MAST4: variants seen among roughly 807,000 people sequenced by gnomAD.
MAST4 encodes the protein microtubule-associated serine/threonine-protein kinase 4.
In MAST4, 89 loss-of-function variants were observed where a neutral mutation model predicts 162.7. The observed-to-expected ratio is 0.55, with a 90% CI of 0.46 to 0.65. MAST4 has a LOEUF of 0.65. MAST4 is among the 30% of genes least tolerant of loss of function. The pLI is 0.00. For missense variants in MAST4, 3,153 were observed against 3,374.0 expected (o/e 0.93, Z 1.62); for synonymous variants, 1,479 against 1,361.1 (o/e 1.09, Z -1.91).
At chr5:66,778,142 T>A (rs976337688) in intron 2 of MAST4, among the ~76,000 whole-genome samples, 6 of 152,224 alleles carry the variant, frequency 3.9e-5, no homozygotes, top group Admixed American at 3.9e-4. Context: ...CACTGCTTGA[T>A]GTCAGAATCT....
rs117876543 is a variant in MAST4, at chr5:67,055,315, G to A, written c.763+823G>A. 4.8e-3 allele frequency among the ~76,000 whole-genome samples: 724 copies of A among 152,268 alleles called. 14 individuals are homozygous for A. Among genetic ancestry groups the A allele is most frequent in the East Asian group, 0.035 (183 of 5,172 alleles). ...GGTTTTGAGGAGGATCTGTGTTATA[G>A]GAAGGTATCTTCAGGATTGTGAAGG... On this transcript the variant is annotated intron_variant, in intron 5 of 28. Transcript: ENST00000403625.
chr5:66,601,569 G>T (rs1209194399), intron 1 of MAST4, among the ~76,000 whole-genome samples: 1 of 152,210 alleles, frequency 6.6e-6, no homozygotes, highest in African/African-American at 2.4e-5. Flanking sequence ...CCCCCAGGAT[G>T]AGCAGGAGTT....
At chr5:67,143,132 T>G (rs542389950) in intron 21 of MAST4, 120 of 152,286 alleles carry the variant, frequency 7.9e-4, no homozygotes, top group African/African-American at 2.8e-3. Context: ...TTGTAAAGTC[T>G]CATAACTGCC....
intron 7 of MAST4, among the ~76,000 whole-genome samples, chr5:67,097,025 T>C (rs1294405737): frequency 6.6e-6 from 1 of 152,170 alleles, no homozygotes; most frequent in Non-Finnish European, 1.5e-5. Context: ...AGACGTGTCT[T>C]TTAACTCCAA....
intron 2 of MAST4, among the ~76,000 whole-genome samples, chr5:66,782,480 G>C (rs1378443689): frequency 6.6e-6 from 1 of 152,100 alleles, no homozygotes; most frequent in Non-Finnish European, 1.5e-5. Flanking sequence ...AAAATAACCA[G>C]TACAAGAAGT....
intron 1 of MAST4, among the ~76,000 whole-genome samples, chr5:66,661,636 G>A (rs1746918391): frequency 6.6e-6 from 1 of 152,154 alleles, no homozygotes; most frequent in Admixed American, 6.5e-5. Context: ...AGATCTGCCT[G>A]TTCAGAGCCT....
intron 1 of MAST4, among the ~76,000 whole-genome samples, chr5:66,704,531 C>G (rs1358302637): frequency 8.0e-6 from 1 of 124,866 alleles, no homozygotes; most frequent in Admixed American, 9.9e-5. Context: ...GAGTCTCGCT[C>G]TGTCACCCAG....
chr5:66,688,690 T>C (rs1036653570), intron 1 of MAST4, among the ~76,000 whole-genome samples: 10 of 152,200 alleles, frequency 6.6e-5, no homozygotes, highest in African/African-American at 2.2e-4. Context: ...AATTTCTGTA[T>C]GGTACCAAAT....
chr5:66,963,601 T>C, intron 4 of MAST4: 1 of 722,832 alleles, frequency 1.4e-6, no homozygotes, highest in Non-Finnish European at 2.6e-6. Context: ...TAGATAAGCT[T>C]GCCATAGTGA....
At chr5:67,067,214 T>C (rs1760352730) in intron 5 of MAST4, among the ~76,000 whole-genome samples, 1 of 152,216 alleles carries the variant, frequency 6.6e-6, no homozygotes, top group African/African-American at 2.4e-5. Context: ...ATTAATGATA[T>C]GCTAAATGGT....
intron 3 of MAST4, among the ~76,000 whole-genome samples, chr5:66,827,811 C>T (rs1315347341): frequency 6.6e-6 from 1 of 152,192 alleles, no homozygotes; most frequent in Non-Finnish European, 1.5e-5. Flanking sequence ...AAACTATTCT[C>T]TCAATTTAAA....
intron 5 of MAST4, among the ~76,000 whole-genome samples, chr5:67,069,315 A>T (rs1212535719): frequency 6.3e-4 from 37 of 58,604 alleles, no homozygotes; most frequent in African/African-American, 1.4e-3. Flanking sequence ...TATATATAAA[A>T]TTTTAAAATA....
intron 1 of MAST4, among the ~76,000 whole-genome samples, chr5:66,746,556 A>G (rs1752770459): frequency 6.6e-6 from 1 of 152,218 alleles, no homozygotes; most frequent in East Asian, 1.9e-4. Context: ...AAGCAGGCAT[A>G]TAATGTCAGG....
chr5:67,078,893 TTTATATATTTTTATATAA>T (rs1561621703), intron 5 of MAST4, among the ~76,000 whole-genome samples: 5 of 75,502 alleles, frequency 6.6e-5, no homozygotes, highest in Non-Finnish European at 1.1e-4. Context: ...TATTTATATA[TTTATATATTTTTATATAA>T]ATATATATAT....
chr5:66,613,833 C>A (rs1309764451), intron 1 of MAST4, among the ~76,000 whole-genome samples: 1 of 151,674 alleles, frequency 6.6e-6, no homozygotes, highest in Non-Finnish European at 1.5e-5. Context: ...TAAACAAAAC[C>A]AAAAAAAACT....
At chr5:66,902,501 G>A (rs1371795374) in intron 4 of MAST4, 2 of 183,702 alleles carry the variant, frequency 1.1e-5, no homozygotes, top group Admixed American at 1.3e-4. Flanking sequence ...AAGACCACAG[G>A]AAATTTTTTT....
At chr5:66,614,386 C>G (rs1035394017) in intron 1 of MAST4, among the ~76,000 whole-genome samples, 22 of 152,324 alleles carry the variant, frequency 1.4e-4, no homozygotes, top group Admixed American at 6.5e-4. Flanking sequence ...TTCATCTTCT[C>G]TACCTGGAGC....
At chr5:66,932,463 CAGTT>C (rs548539272) in intron 4 of MAST4, among the ~76,000 whole-genome samples, 9 of 152,220 alleles carry the variant, frequency 5.9e-5, no homozygotes, top group African/African-American at 2.2e-4. Context: ...CAAGAAATAA[CAGTT>C]TGTTTTCTCA....
chr5:67,068,240 A>G (rs143815280), intron 5 of MAST4, among the ~76,000 whole-genome samples: 3 of 152,296 alleles, frequency 2.0e-5, no homozygotes, highest in Admixed American at 6.5e-5. Flanking sequence ...CTGTTGTATT[A>G]GTCTGTTCTC....
Sources: gnomAD v4.1 joint callset for allele counts (sites outside exome capture counted in the v4.1 genomes callset) on GRCh38, gnomAD v4.1.1 for gene constraint, MANE v1.5 for transcripts, NCBI Gene and HGNC (gene_info 2026-07-23, HGNC 2026-07-21) for gene names.